OR10H1: variants seen among roughly 807,000 people sequenced by gnomAD.
OR10H1 encodes the protein olfactory receptor 10H1.
In OR10H1, 12 loss-of-function variants were observed where a neutral mutation model predicts 13.1. The observed-to-expected ratio is 0.92, with a 90% CI of 0.59 to 1.48. OR10H1 has a LOEUF of 1.48. Among genes scored for constraint, OR10H1 ranks in the 40% most tolerant of loss-of-function variants. The pLI is 0.00. For missense variants in OR10H1, 363 were observed against 413.1 expected (o/e 0.88, Z 1.05); for synonymous variants, 168 against 175.6 (o/e 0.96, Z 0.34).
chr19:15,808,140 T>G (rs2088914079), intron 3 of OR10H1, 92 bp from the exon 4 acceptor site: 1 of 1,046,610 alleles, frequency 9.6e-7, no homozygotes, highest in East Asian at 2.4e-5. Context: ...GGGACTGCTC[T>G]TGATAAATGG....
intron 2 of OR10H1, among the ~76,000 whole-genome samples, chr19:15,810,202 G>C (rs1377991976): frequency 2.0e-5 from 3 of 150,128 alleles, no homozygotes; most frequent in African/African-American, 7.4e-5. Flanking sequence ...GGCTGAGTTA[G>C]GAGAATCGCT....
chr19:15,814,537 G>C (rs1170333897), intron 1 of OR10H1, among the ~76,000 whole-genome samples: 2 of 145,620 alleles, frequency 1.4e-5, no homozygotes, highest in Non-Finnish European at 3.0e-5. Context: ...GAGAGAGACA[G>C]GGTATCCCTC....
rs985911122 is a variant in OR10H1, at chr19:15,806,160, T to C, written c.*921A>G. The C allele has an allele frequency of 6.6e-6, 1 of 152,150 alleles. No homozygotes were observed. The highest frequency in any genetic ancestry group is 6.6e-5 in the Admixed American group (1 of 15,260). 9.4% of individuals were successfully genotyped at this position (152,150 alleles called of 1,614,324 possible). A position where few individuals can be genotyped will look rare whatever the true frequency, so the allele number is the denominator to read the frequency against. ...TGCTGGTTTGCATTATTGGGGGTATTAGATGACCCTGGCTTTTGGCAAGAG... is the reference window on the plus strand; with the variant it reads ...TGCTGGTTTGCATTATTGGGGGTATCAGATGACCCTGGCTTTTGGCAAGAG... On this transcript the variant is annotated 3_prime_UTR_variant, in exon 4 of 4. Coordinates refer to ENST00000641419, the MANE Select transcript of OR10H1 (RefSeq NM_013940.4).
In OR10H1 at chr19:15,808,027, G is replaced by T; in HGVS notation, c.11C>A (p.Ala4Asp). The change falls in exon 4 of 4, where the codon GCC becomes GAC. Residue 4 changes from alanine to aspartate, a missense_variant. This residue lies in a region of OR10H1 where 318 missense variants were observed against 366.6 expected (regional missense o/e 0.87). Transcript: ENST00000641419. MQR[A>D]NHSTVTQFIL... ...GAATTGGGTCACTGTGGAGTGATTGGCTCTCTGCATGGAGGCTGTGCCTGG... is the reference window on the plus strand; with the variant it reads ...GAATTGGGTCACTGTGGAGTGATTGTCTCTCTGCATGGAGGCTGTGCCTGG... 6.2e-7 allele frequency: 1 copy of T among 1,611,152 alleles called. No homozygotes were observed.
chr19:15,810,225 T>C (rs1381506541), intron 2 of OR10H1, among the ~76,000 whole-genome samples: 1 of 136,738 alleles, frequency 7.3e-6, no homozygotes, highest in East Asian at 2.2e-4. Flanking sequence ...ATCTGGGAGA[T>C]GGAGGTTGCA....
intron 1 of OR10H1, among the ~76,000 whole-genome samples, chr19:15,814,483 GAGA>G (rs1348786675): frequency 1.8e-4 from 6 of 32,714 alleles, no homozygotes; most frequent in African/African-American, 7.1e-4. Flanking sequence ...GTGTGTGTGA[GAGA>G]GAGAGAGAGA....
Position 15,807,774 on chromosome 19 carries a change from G to C in OR10H1, c.264C>G (p.Thr88=), listed in dbSNP as rs759715060. Reference sequence around the variant, plus strand: ...AGGCCAGGAAGGCGATGGAGCGCTGGGTGGACAGCAGGTCGGCCAGCATGC... The same window carrying C: ...AGGCCAGGAAGGCGATGGAGCGCTGCGTGGACAGCAGGTCGGCCAGCATGC... The part of the protein sequence containing the change: ...IPRMLADLLS[T]QRSIAFLACA... The change falls in exon 4 of 4, where the codon ACC becomes ACG. Residue 88 remains threonine, a synonymous_variant. Transcript: ENST00000641419. 1 of 1,608,580 alleles carries C rather than the reference G, an allele frequency of 6.2e-7. No individual in the cohort carries two copies. Among genetic ancestry groups the C allele is most frequent in the Non-Finnish European group, 8.5e-7 (1 of 1,175,850 alleles).
intron 2 of OR10H1, among the ~76,000 whole-genome samples, chr19:15,810,538 T>A (rs2088927465): frequency 6.6e-6 from 1 of 152,120 alleles, no homozygotes; most frequent in Non-Finnish European, 1.5e-5. Flanking sequence ...TTCCATTTTA[T>A]GAATATGCGT....
At position 15,810,293 on chromosome 19, in the gene OR10H1, CAAAA is replaced by C. The variant is rs56079033; in HGVS notation, c.-128-1456_-128-1453del. Among the ~76,000 whole-genome samples the C allele has an allele frequency of 4.7e-5, 5 of 107,336 alleles. No individual in the cohort carries two copies. The South Asian group carries it at 1.3e-3, about 27-fold the overall frequency. The allele number at this position is 107,336 out of a possible 152,430, so 70.4% of individuals were successfully genotyped here. Reference sequence around the variant, plus strand: ...TGGGTGACAGAGCAAGACTCCTTCTCAAAAAAAAAAAAAAAAAAAGGAGTAAACT... The same window carrying C: ...TGGGTGACAGAGCAAGACTCCTTCTCAAAAAAAAAAAAAAAGGAGTAAACT... On this transcript the variant is annotated intron_variant, in intron 2 of 3. Coordinates refer to ENST00000641419, the MANE Select transcript of OR10H1 (RefSeq NM_013940.4).
chr19:15,814,213 T>C (rs1037408865), intron 1 of OR10H1, among the ~76,000 whole-genome samples: 9 of 152,094 alleles, frequency 5.9e-5, no homozygotes, highest in Non-Finnish European at 8.8e-5. Context: ...AATGTCCTTA[T>C]ACGTTGTCAC....
rs893133122 is a variant in OR10H1 at position 15,805,173 on chromosome 19, G to A, written c.*1908C>T. 2.6e-5 allele frequency: 4 copies of A among 151,974 alleles called. No individual in the cohort carries two copies. The highest frequency in any genetic ancestry group is 9.7e-5 in the African/African-American group (4 of 41,386). 9.4% of individuals were successfully genotyped at this position (151,974 alleles called of 1,614,324 possible). On this transcript the variant is annotated 3_prime_UTR_variant, in exon 4 of 4. Coordinates refer to ENST00000641419, the MANE Select transcript of OR10H1 (RefSeq NM_013940.4). ...AAAATTTTCTCCCATTCTGTAGGTT[G>A]CCTGTTCACTCTGATGGTAGTTTCT... is the stretch of plus-strand genomic sequence containing the variant.
At chr19:15,808,253 T>C (rs1026631186) in intron 3 of OR10H1, 10 of 566,940 alleles carry the variant, frequency 1.8e-5, no homozygotes, top group African/African-American at 1.3e-4. Flanking sequence ...ACCTTGAGCA[T>C]AGTCATTGAG....
rs1555767735 is a variant in OR10H1, at chr19:15,814,522, A to AGAGAGAGT, written c.-778+1032_-778+1033insACTCTCTC. ...GAGAGAGAGAGAGAGAGAGAGAGAGAGAGAGAGAGAGACAGGGTATCCCTC... is the reference window on the plus strand; with the variant it reads ...GAGAGAGAGAGAGAGAGAGAGAGAGAGAGAGAGTGAGAGAGAGAGACAGGGTATCCCTC... On this transcript the variant is annotated intron_variant, in intron 1 of 3. Coordinates refer to ENST00000641419, the MANE Select transcript of OR10H1 (RefSeq NM_013940.4). Among the ~76,000 whole-genome samples, 13 of 121,516 alleles carry AGAGAGAGT rather than the reference A, an allele frequency of 1.1e-4. 1 individual carries two copies. The highest frequency in any genetic ancestry group is 4.3e-4 in the African/African-American group (12 of 27,924). 79.7% of individuals were successfully genotyped at this position (121,516 alleles called of 152,430 possible).
At chr19:15,809,438 A>G (rs2088921123) in intron 2 of OR10H1, among the ~76,000 whole-genome samples, 1 of 151,788 alleles carries the variant, frequency 6.6e-6, no homozygotes, top group Non-Finnish European at 1.5e-5. Context: ...CTACAGGCAC[A>G]CACCACCTCA....
chr19:15,814,091 G>A lies in OR10H1; in HGVS notation c.-777-1213C>T, dbSNP rs377344653. On this transcript the variant is annotated intron_variant, in intron 1 of 3. Transcript: ENST00000641419. ...CTTCAGCATTAGGGACGCTAGGGGCGAATCATTCTCTCTCAGAGGGGTGTC... is the reference window on the plus strand; with the variant it reads ...CTTCAGCATTAGGGACGCTAGGGGCAAATCATTCTCTCTCAGAGGGGTGTC... 3.4e-3 allele frequency among the ~76,000 whole-genome samples: 519 copies of A among 152,086 alleles called. 1 individual carries two copies. Among genetic ancestry groups the A allele is most frequent in the African/African-American group, 0.012 (497 of 41,440 alleles).
At position 15,808,059 on chromosome 19, in the gene OR10H1, A is replaced by T; in HGVS notation, c.-11-11T>A. Reference sequence around the variant, plus strand: ...GCATGGAGGCTGTGCCTGGGGTGAGATGTGACAGGGAGATGTCAGTTACTG... The same window carrying T: ...GCATGGAGGCTGTGCCTGGGGTGAGTTGTGACAGGGAGATGTCAGTTACTG... On this transcript the variant is annotated splice_polypyrimidine_tract_variant and intron_variant, in intron 3 of 3. Coordinates refer to ENST00000641419, the MANE Select transcript of OR10H1 (RefSeq NM_013940.4). 6.3e-7 allele frequency: 1 copy of T among 1,591,174 alleles called. No individual in the cohort carries two copies. The highest frequency in any genetic ancestry group is 8.6e-7 in the Non-Finnish European group (1 of 1,163,022).
At chr19:15,810,579 C>T (rs772375291) in intron 2 of OR10H1, among the ~76,000 whole-genome samples, 6 of 151,946 alleles carry the variant, frequency 3.9e-5, no homozygotes, top group African/African-American at 2.4e-5. Flanking sequence ...GGTTGTGCCC[C>T]ACCTGTTGGC....
chr19:15,810,908 G>T (rs558348748), intron 2 of OR10H1, among the ~76,000 whole-genome samples: 1 of 151,316 alleles, frequency 6.6e-6, no homozygotes, highest in African/African-American at 2.4e-5. Context: ...TAAAAATAAA[G>T]AAAAGAAAAT....
intron 2 of OR10H1, among the ~76,000 whole-genome samples, 185 bp from the exon 3 acceptor site, chr19:15,809,026 C>T (rs1441159302): frequency 6.6e-6 from 1 of 152,064 alleles, no homozygotes; most frequent in Non-Finnish European, 1.5e-5. Context: ...GAACAGGGCG[C>T]GTCTCTAAAT....
Sources: gnomAD v4.1 joint callset for allele counts (sites outside exome capture counted in the v4.1 genomes callset) on GRCh38, gnomAD v4.1.1 for gene constraint, gnomAD v4.1.1 regional missense constraint, MANE v1.5 for transcripts, NCBI Gene and HGNC (gene_info 2026-07-23, HGNC 2026-07-21) for gene names.